The following ANKRD31 variants were observed in gnomAD, a reference collection of about 807,000 sequenced individuals.
ANKRD31 encodes the protein ankyrin repeat domain-containing protein 31.
Under a neutral mutation model 186.0 loss-of-function variants are expected in ANKRD31, and 147 were observed. The observed-to-expected ratio is 0.79, with a 90% CI of 0.69 to 0.91. ANKRD31 has a LOEUF of 0.91. ANKRD31 is among the 40% of genes least tolerant of loss of function. The pLI, the probability that ANKRD31 is intolerant of heterozygous loss-of-function variation, is 0.00. For missense variants in ANKRD31, 1,986 were observed against 2,148.8 expected (o/e 0.92, Z 1.50); for synonymous variants, 673 against 736.4 (o/e 0.91, Z 1.39).
intron 17 of ANKRD31, among the ~76,000 whole-genome samples, chr5:75,130,206 C>T (rs1224112562): frequency 6.6e-6 from 1 of 152,132 alleles, no homozygotes; most frequent in East Asian, 1.9e-4. Context: ...GTTTGTTTCT[C>T]CCAGTGGGTT....
chr5:75,107,368 C>T (rs1249691646), intron 21 of ANKRD31, among the ~76,000 whole-genome samples, 153 bp downstream of exon 21: 1 of 151,932 alleles, frequency 6.6e-6, no homozygotes, highest in East Asian at 1.9e-4. Flanking sequence ...GTATAATTTT[C>T]CATGGTAGTA....
intron 25 of ANKRD31, among the ~76,000 whole-genome samples, chr5:75,068,998 T>C (rs1296010645): frequency 6.6e-6 from 1 of 152,194 alleles, no homozygotes; most frequent in Admixed American, 6.5e-5. Context: ...AGATTTTGCA[T>C]GTGAAATTCT....
intron 15 of ANKRD31, 141 bp downstream of exon 15, chr5:75,143,860 A>G: frequency 2.6e-6 from 1 of 389,722 alleles, no homozygotes; most frequent in Non-Finnish European, 4.5e-6. Flanking sequence ...AACAACAAAT[A>G]TTGCTGAAAT....
At chr5:75,188,743 C>G in intron 9 of ANKRD31, 95 bp from the exon 10 acceptor site, 1 of 1,061,564 alleles carries the variant, frequency 9.4e-7, no homozygotes, top group Middle Eastern at 3.1e-4. Flanking sequence ...ACAAACTTCA[C>G]GAACATAGGT....
intron 11 of ANKRD31, among the ~76,000 whole-genome samples, chr5:75,157,695 GT>G (rs1561486777): frequency 6.6e-6 from 1 of 152,146 alleles, no homozygotes; most frequent in Non-Finnish European, 1.5e-5. Context: ...CTGTTGTCTA[GT>G]GGCATGAATC....
intron 20 of ANKRD31, among the ~76,000 whole-genome samples, chr5:75,107,996 A>G (rs2150064245): frequency 6.6e-6 from 1 of 152,134 alleles, no homozygotes; most frequent in East Asian, 1.9e-4. Context: ...ATACATTAAC[A>G]TTGTAAAATT....
In ANKRD31 at chr5:75,146,767, T is replaced by C. The variant is rs1295428837; in HGVS notation, c.2644A>G (p.Arg882Gly). ...AAAGAATTTTCCCATTTGTTAAATCTCTCATCTTTTGGGACCAAGTTACTG... is the reference window on the plus strand; with the variant it reads ...AAAGAATTTTCCCATTTGTTAAATCCCTCATCTTTTGGGACCAAGTTACTG... ...ENSNLVPKDE[R>G]FNKWENSFLS... The change falls in exon 14 of 26, where the codon AGA becomes GGA. Residue 882 changes from arginine to glycine, a missense_variant. Physicochemically the swap from Arg to Gly is moderately radical, Grantham distance 125. Coordinates refer to ENST00000506364, the MANE Select transcript of ANKRD31 (RefSeq NM_001372053.1). 5 of 1,536,256 alleles carry C rather than the reference T, an allele frequency of 3.3e-6. No individual in the cohort carries two copies. Among genetic ancestry groups the C allele is most frequent in the South Asian group, 1.2e-5 (1 of 84,020 alleles).
intron 16 of ANKRD31, 109 bp from the exon 17 acceptor site, chr5:75,138,107 C>CA: frequency 6.4e-6 from 6 of 931,894 alleles, no homozygotes; most frequent in Non-Finnish European, 8.7e-6. Context: ...CATATTGATT[C>CA]ATATGTATAT....
intron 10 of ANKRD31, among the ~76,000 whole-genome samples, chr5:75,181,411 T>C (rs10056576): frequency 0.21 from 32,340 of 152,048 alleles, 3,621 homozygotes; most frequent in South Asian, 0.39. Context: ...TTATAAATCA[T>C]GCTGCTATAA....
chr5:75,099,180 T>G (rs1746594482), intron 22 of ANKRD31, among the ~76,000 whole-genome samples: 1 of 152,212 alleles, frequency 6.6e-6, no homozygotes, highest in Admixed American at 6.5e-5. Context: ...CTGCATCTAT[T>G]GAGATAATCA....
chr5:75,210,197 A>G (rs1000408179), intron 4 of ANKRD31, among the ~76,000 whole-genome samples: 5 of 152,044 alleles, frequency 3.3e-5, no homozygotes, highest in Non-Finnish European at 7.4e-5. Context: ...CTTTCGAGAC[A>G]GAGTCTTACT....
chr5:75,115,481 A>G (rs1323547393), intron 19 of ANKRD31, among the ~76,000 whole-genome samples: 1 of 151,292 alleles, frequency 6.6e-6, no homozygotes, highest in Non-Finnish European at 1.5e-5. Flanking sequence ...AACCTACAAA[A>G]TGGGAGAAAA....
intron 10 of ANKRD31, among the ~76,000 whole-genome samples, chr5:75,185,838 A>T (rs1754675827): frequency 6.6e-6 from 1 of 151,682 alleles, no homozygotes; most frequent in African/African-American, 2.4e-5. Context: ...ACATATAATT[A>T]TAGTTATTTG....
chr5:75,126,843 T>TA (rs911572372), intron 17 of ANKRD31, among the ~76,000 whole-genome samples: 4 of 152,104 alleles, frequency 2.6e-5, no homozygotes, highest in African/African-American at 9.7e-5. Flanking sequence ...AGGGTTCATT[T>TA]AAAAAAATGG....
At chr5:75,075,660 T>C (rs753845202) in intron 25 of ANKRD31, among the ~76,000 whole-genome samples, 11 of 152,110 alleles carry the variant, frequency 7.2e-5, no homozygotes, top group Non-Finnish European at 1.3e-4. Context: ...CCCTTAAAAC[T>C]ACTCCCACCA....
Position 75,118,273 on chromosome 5 carries a change from C to T in ANKRD31, c.3901G>A (p.Gly1301Arg). Reference protein sequence around the residue: ...LKAAEILLQNGANPNQKDQKQ... With the variant: ...LKAAEILLQNRANPNQKDQKQ... ...TGATCTTTTTGATTAGGGTTTGCTC[C>T]ATTTTGTAGTAGAATCTCAGCTGCC... The change falls in exon 18 of 26, where the codon GGA (glycine) becomes AGA (arginine). Residue 1301 changes from glycine to arginine, a missense_variant. Gly to Arg is a moderately radical substitution (Grantham distance 125). Coordinates refer to ENST00000506364, the MANE Select transcript of ANKRD31 (RefSeq NM_001372053.1). 1 of 1,507,140 alleles carries T rather than the reference C, an allele frequency of 6.6e-7. No homozygotes were observed. Among genetic ancestry groups the T allele is most frequent in the Non-Finnish European group, 8.8e-7 (1 of 1,138,136 alleles). 93.4% of individuals were successfully genotyped at this position (1,507,140 alleles called of 1,614,324 possible). A position where few individuals can be genotyped will look rare whatever the true frequency, so the allele number is the denominator to read the frequency against.
intron 17 of ANKRD31, among the ~76,000 whole-genome samples, chr5:75,123,784 T>C (rs1424977865): frequency 2.0e-5 from 3 of 151,946 alleles, no homozygotes; most frequent in East Asian, 1.9e-4. Flanking sequence ...AAATCAAATA[T>C]AGACAAATCA....
intron 22 of ANKRD31, among the ~76,000 whole-genome samples, chr5:75,092,717 T>C (rs1390292025): frequency 6.6e-6 from 1 of 151,916 alleles, no homozygotes; most frequent in East Asian, 1.9e-4. Context: ...AACAGCAAAG[T>C]ATGACACACA....
intron 19 of ANKRD31, among the ~76,000 whole-genome samples, chr5:75,115,783 A>G (rs1270429204): frequency 2.6e-5 from 4 of 151,626 alleles, no homozygotes; most frequent in South Asian, 2.1e-4. Context: ...GGATGTGGAG[A>G]AATAGGAACA....
Sources: allele counts gnomAD v4.1 joint callset (sites outside exome capture counted in the v4.1 genomes callset), GRCh38; gene constraint gnomAD v4.1.1; transcripts MANE v1.5; gene names NCBI Gene and HGNC (gene_info 2026-07-23, HGNC 2026-07-21).